Variants in AKAP9 observed in about 807,000 individuals in gnomAD.
AKAP9 encodes A-kinase anchoring protein 9.
In AKAP9, 311 loss-of-function variants were observed where a neutral mutation model predicts 488.5. That is an observed-to-expected ratio of 0.64 (90% CI 0.58 to 0.70). AKAP9 has a LOEUF of 0.70. Ranked by LOEUF, AKAP9 falls within the 30% of genes least tolerant of loss-of-function variation. The pLI, the probability that AKAP9 is intolerant of heterozygous loss-of-function variation, is 0.00. For synonymous variants in AKAP9, 1,462 were observed against 1,483.5 expected (o/e 0.99, Z 0.33); for missense variants, 4,215 against 4,374.5 (o/e 0.96, Z 1.03).
chr7:92,093,940 AC>A (rs1816085522), intron 39 of AKAP9, among the ~76,000 whole-genome samples: 1 of 151,758 alleles, frequency 6.6e-6, no homozygotes, highest in South Asian at 2.1e-4. Context: ...AACCTCCACC[AC>A]CCGGGTTCAA....
At chr7:92,108,224 CATGACAAG>C (rs1329476138) in intron 48 of AKAP9, among the ~76,000 whole-genome samples, 3 of 152,146 alleles carry the variant, frequency 2.0e-5, no homozygotes. Flanking sequence ...TAACAGTCTT[CATGACAAG>C]ATACATTTAT....
chr7:92,100,310 G>A (rs550839751), intron 44 of AKAP9, among the ~76,000 whole-genome samples: 8 of 152,194 alleles, frequency 5.3e-5, no homozygotes, highest in South Asian at 2.1e-4. Flanking sequence ...GTTAAATTAC[G>A]TCTTTCAGTC....
rs1435522244 is a variant in AKAP9 at position 92,016,121 on chromosome 7, G to A, written c.3613-8G>A. ...ATTCCTTAAAATACACAATTTTGTT[G>A]TTAACAGACTTTATGCAGTGTCCTT... On this transcript the variant is annotated splice_region_variant and splice_polypyrimidine_tract_variant and intron_variant, in intron 10 of 49. Coordinates refer to ENST00000356239, the MANE Select transcript of AKAP9 (RefSeq NM_005751.5). The A allele has an allele frequency of 6.3e-7, 1 of 1,596,414 alleles. No individual in the cohort carries two copies. Among genetic ancestry groups the A allele is most frequent in the African/African-American group, 1.3e-5 (1 of 74,630 alleles).
intron 40 of AKAP9, 106 bp from the exon 41 acceptor site, chr7:92,096,583 C>T (rs1816616566): frequency 7.8e-6 from 10 of 1,285,262 alleles, no homozygotes; most frequent in Admixed American, 6.1e-5. Context: ...GTGATCTGCC[C>T]GCCTCGGCCT....
In AKAP9 at chr7:92,002,897, T is replaced by C; in HGVS notation, c.2980T>C (p.Cys994Arg). The C allele has an allele frequency of 6.2e-7, 1 of 1,612,288 alleles. No individual in the cohort carries two copies. The highest frequency in any genetic ancestry group is 8.5e-7 in the Non-Finnish European group (1 of 1,179,260). ...KQEKEQVSLR[C>R]RELEIIINHN... is the part of the protein sequence containing the mutation. ...AGAGAAAGAACAAGTTTCATTGAGA[T>C]GTAGAGAGCTAGAAATCATTATTAA... The change falls in exon 8 of 50, where the codon TGT (cysteine) becomes CGT (arginine). Residue 994 changes from cysteine (C) to arginine (R), a missense_variant. By Grantham distance (180) the Cys-to-Arg change is radical. This residue lies in a region of AKAP9 where 2,361 missense variants were observed against 2,430.0 expected (regional missense o/e 0.97). Coordinates refer to ENST00000356239, the MANE Select transcript of AKAP9 (RefSeq NM_005751.5).
At chr7:92,105,884 G>C in intron 47 of AKAP9, 121 bp downstream of exon 47, 1 of 874,310 alleles carries the variant, frequency 1.1e-6, no homozygotes, top group Non-Finnish European at 1.9e-6. Flanking sequence ...ACAGCAGCAG[G>C]TGAGCAGCGG....
At chr7:92,103,359 C>T (rs1817921791) in intron 46 of AKAP9, among the ~76,000 whole-genome samples, 1 of 140,974 alleles carries the variant, frequency 7.1e-6, no homozygotes, top group Admixed American at 7.5e-5. Flanking sequence ...CCACTACACT[C>T]CAGCCATGTG....
chr7:91,982,181 ATG>A (rs1796514283), intron 3 of AKAP9, among the ~76,000 whole-genome samples: 1 of 147,552 alleles, frequency 6.8e-6, no homozygotes, highest in African/African-American at 2.7e-5. Context: ...GTATGTATGT[ATG>A]TATGTATGTA....
At chr7:92,046,214 G>A (rs1806971866) in intron 21 of AKAP9, among the ~76,000 whole-genome samples, 1 of 152,034 alleles carries the variant, frequency 6.6e-6, no homozygotes. Context: ...TGTAGGAGAG[G>A]GAAATGAGGA....
At chr7:92,096,086 C>T (rs1035249908) in intron 40 of AKAP9, among the ~76,000 whole-genome samples, 6 of 152,032 alleles carry the variant, frequency 3.9e-5, no homozygotes, top group African/African-American at 1.4e-4. Context: ...GTAAGATCTC[C>T]AGGAACAGTT....
intron 28 of AKAP9, among the ~76,000 whole-genome samples, 199 bp downstream of exon 28, chr7:92,071,208 TAGAG>T (rs1225941869): frequency 1.9e-4 from 29 of 152,016 alleles, no homozygotes; most frequent in Admixed American, 1.9e-3. Context: ...GTGCTCCAGA[TAGAG>T]AGAAGAGCCA....
chr7:91,952,497 T>C (rs921075732), intron 1 of AKAP9, among the ~76,000 whole-genome samples: 2 of 152,180 alleles, frequency 1.3e-5, no homozygotes, highest in Non-Finnish European at 2.9e-5. Flanking sequence ...GAAGGCTTTC[T>C]GGATGGATAA....
rs181600318 is a variant in AKAP9, at chr7:92,085,480, G to A, written c.8833-15G>A. 20 of 1,613,418 alleles carry A rather than the reference G, an allele frequency of 1.2e-5. No individual in the cohort carries two copies. In the East Asian group the frequency reaches 4.5e-4, roughly 36 times the overall value. ...GAAGTTGTCATAATTCTGGCTCTTG[G>A]GTTTTGGTTTCCAGGGATTACTGAG... On this transcript the variant is annotated splice_polypyrimidine_tract_variant and intron_variant, in intron 35 of 49. Coordinates refer to ENST00000356239, the MANE Select transcript of AKAP9 (RefSeq NM_005751.5).
intron 3 of AKAP9, 123 bp from the exon 4 acceptor site, chr7:91,992,035 C>T (rs528086679): frequency 2.0e-4 from 156 of 787,170 alleles, no homozygotes; most frequent in Non-Finnish European, 3.0e-4. Context: ...TATCTGTTTT[C>T]GCCAATGATG....
chr7:92,075,116 G>C (rs958822030), intron 28 of AKAP9, among the ~76,000 whole-genome samples: 5 of 152,000 alleles, frequency 3.3e-5, no homozygotes, highest in African/African-American at 1.2e-4. Context: ...CACAAGTGTG[G>C]GGTGTGACAT....
chr7:91,998,418 CTTTTTTTTTTTTTTTTTT>C (rs60778133), intron 7 of AKAP9, among the ~76,000 whole-genome samples: 14,620 of 54,220 alleles, frequency 0.27, 1,338 homozygotes, highest in East Asian at 0.54. Context: ...CCACAGGGCT[CTTTTTTTTTTTTTTTTTT>C]TTTTTTTTTT....
At chr7:92,032,666 A>G (rs189369059) in intron 16 of AKAP9, among the ~76,000 whole-genome samples, 7 of 152,328 alleles carry the variant, frequency 4.6e-5, no homozygotes, top group Admixed American at 3.9e-4. Context: ...GGAATTAGGA[A>G]AAACATAAAT....
At position 92,001,602 on chromosome 7, in the gene AKAP9, A is replaced by G. The variant is rs145033147; in HGVS notation, c.1685A>G (p.His562Arg). 1.3e-4 allele frequency: 202 copies of G among 1,613,792 alleles called. 2 individuals are homozygous for G. Among genetic ancestry groups the G allele is most frequent in the Admixed American group, 3.0e-4 (18 of 59,986 alleles). Residue 562 changes from histidine (H) to arginine (R), a missense_variant, in exon 8 of 50, where the codon CAT becomes CGT. By Grantham distance (29) the His-to-Arg change is conservative (BLOSUM62 0). This residue lies in a region of AKAP9 where 2,361 missense variants were observed against 2,430.0 expected (regional missense o/e 0.97). Transcript: ENST00000356239. ...CAAGAAAGTAAACTTAATGAAGCACATAAGTCCCTTAGTACAGTGGAAGAT... is the reference window on the plus strand; with the variant it reads ...CAAGAAAGTAAACTTAATGAAGCACGTAAGTCCCTTAGTACAGTGGAAGAT... ...AEQESKLNEA[H>R]KSLSTVEDLK...
chr7:92,091,597 A>T (rs200344914), intron 38 of AKAP9, among the ~76,000 whole-genome samples: 3 of 129,258 alleles, frequency 2.3e-5, no homozygotes, highest in African/African-American at 8.2e-5. Context: ...AAAAAAAAAA[A>T]CAAAAAAAAA....
Sources: allele counts gnomAD v4.1 joint callset (sites outside exome capture counted in the v4.1 genomes callset), GRCh38; gene constraint gnomAD v4.1.1; regional missense constraint gnomAD v4.1.1; transcripts MANE v1.5; gene names NCBI Gene and HGNC (gene_info 2026-07-23, HGNC 2026-07-21).